The following HSPA14 variants were observed in gnomAD, a reference collection of about 807,000 sequenced individuals.
HSPA14 encodes heat shock protein family A (Hsp70) member 14.
HSPA14 carries 37 observed loss-of-function variants against 65.5 expected under a neutral mutation model. The ratio of observed to expected loss-of-function variants is 0.56; its 90% CI spans 0.43 to 0.74. HSPA14 has a LOEUF of 0.74. Among genes scored for constraint, HSPA14 ranks in the 30% least tolerant of loss-of-function variants. The pLI is 0.00. For synonymous variants in HSPA14, 203 were observed against 214.2 expected (o/e 0.95, Z 0.46); for missense variants, 564 against 607.6 (o/e 0.93, Z 0.75).
chr10:14,851,167 G>A (rs1272677177), intron 6 of HSPA14, 52 bp from the exon 7 acceptor site: 27 of 959,562 alleles, frequency 2.8e-5, no homozygotes, highest in Admixed American at 4.3e-5. Flanking sequence ...TTCTAAAAAT[G>A]TAGAATTGAA....
At chr10:14,862,438 G>T (rs188612491) in intron 10 of HSPA14, among the ~76,000 whole-genome samples, 255 of 142,802 alleles carry the variant, frequency 1.8e-3, no homozygotes, top group African/African-American at 6.4e-3. Flanking sequence ...GCAGTGACAC[G>T]ATCTCAGCTC....
chr10:14,867,787 A>G lies in HSPA14; in HGVS notation c.1258A>G (p.Thr420Ala). 1 of 1,613,964 alleles carries G rather than the reference A, an allele frequency of 6.2e-7. No individual in the cohort carries two copies. The highest frequency in any genetic ancestry group is 2.2e-5 in the East Asian group (1 of 44,872). ...SRFTVLFPSG[T>A]PLPARRQHTL... is the part of the protein sequence containing the mutation. ...ATTCACAGTGCTGTTTCCATCAGGG[A>G]CTCCTTTGCCAGCTCGAAGACAACA... is the stretch of plus-strand genomic sequence containing the variant. The change falls in exon 12 of 14, where the codon ACT (threonine) becomes GCT (alanine). Residue 420 changes from threonine to alanine, a missense_variant. Coordinates refer to ENST00000378372, the MANE Select transcript of HSPA14 (RefSeq NM_016299.4).
At chr10:14,840,874 A>T (rs1833963906) in intron 3 of HSPA14, among the ~76,000 whole-genome samples, 1 of 152,238 alleles carries the variant, frequency 6.6e-6, no homozygotes, top group African/African-American at 2.4e-5. Flanking sequence ...TTGGCAACGC[A>T]AATACTATCA....
chr10:14,859,349 G>GATT (rs1832733368), intron 10 of HSPA14, among the ~76,000 whole-genome samples: 1 of 152,136 alleles, frequency 6.6e-6, no homozygotes, highest in Admixed American at 6.5e-5. Context: ...TTGGTACCTG[G>GATT]AATCCTATGC....
intron 10 of HSPA14, among the ~76,000 whole-genome samples, chr10:14,861,300 T>G (rs953141420): frequency 1.3e-5 from 2 of 152,136 alleles, no homozygotes; most frequent in African/African-American, 4.8e-5. Context: ...TCCCTTTTGT[T>G]TGAGACTCTG....
rs762473100 is a variant in HSPA14, at chr10:14,852,528, A to G, written c.731A>G (p.Gln244Arg). 1 of 1,611,378 alleles carries G rather than the reference A, an allele frequency of 6.2e-7. No homozygotes were observed. Among genetic ancestry groups the G allele is most frequent in the South Asian group, 1.1e-5 (1 of 90,578 alleles). The change falls in exon 8 of 14, where the codon CAA (glutamine) becomes CGA (arginine). Residue 244 changes from glutamine to arginine, a missense_variant. Coordinates refer to ENST00000378372, the MANE Select transcript of HSPA14 (RefSeq NM_016299.4). ...TLAQYLASEF[Q>R]RSFKHDVRGN... is the part of the protein sequence containing the mutation. The stretch of plus-strand genomic sequence containing the variant: ...GCACAGTATCTAGCTTCTGAGTTCC[A>G]AAGGTGAGTGTTAATGGCCTGAATA...
intron 3 of HSPA14, among the ~76,000 whole-genome samples, chr10:14,841,465 C>A (rs1833969996): frequency 6.6e-6 from 1 of 152,148 alleles, no homozygotes; most frequent in Non-Finnish European, 1.5e-5. Flanking sequence ...ACATCAAACA[C>A]ATTGCTGGAT....
chr10:14,841,890 C>T (rs1056309513), intron 3 of HSPA14, among the ~76,000 whole-genome samples: 2 of 152,208 alleles, frequency 1.3e-5, no homozygotes, highest in African/African-American at 4.8e-5. Flanking sequence ...ACTCACCAGA[C>T]AAGGGTGATT....
At position 14,855,913 on chromosome 10, in the gene HSPA14, A is replaced by C; in HGVS notation, c.963A>C (p.Gln321His). Reference protein sequence around the residue: ...CIEAIRGLLDQNGFTADDINK... With the variant: ...CIEAIRGLLDHNGFTADDINK... Reference sequence around the variant, plus strand: ...AAGCAATCAGAGGACTCTTAGATCAAAATGGATTTACAGCAGATGATATCA... The same window carrying C: ...AAGCAATCAGAGGACTCTTAGATCACAATGGATTTACAGCAGATGATATCA... The change falls in exon 10 of 14, where the codon CAA (glutamine) becomes CAC (histidine). Residue 321 changes from glutamine (Q) to histidine (H), a missense_variant. Gln to His is a conservative substitution (Grantham distance 24). Coordinates refer to ENST00000378372, the MANE Select transcript of HSPA14 (RefSeq NM_016299.4). 1.2e-6 allele frequency: 2 copies of C among 1,600,026 alleles called. No homozygotes were observed. Among genetic ancestry groups the C allele is most frequent in the Non-Finnish European group, 1.7e-6 (2 of 1,167,632 alleles).
intron 3 of HSPA14, chr10:14,844,064 C>A: frequency 7.0e-7 from 1 of 1,432,508 alleles, no homozygotes; most frequent in South Asian, 1.5e-5. Context: ...AGATTCTCCA[C>A]CAAATGGAAG....
intron 3 of HSPA14, chr10:14,845,596 TTA>T: frequency 1.4e-5 from 13 of 929,442 alleles, no homozygotes; most frequent in African/African-American, 1.8e-5. Context: ...TCTATTATTA[TTA>T]TTTTTTTTTT....
intron 10 of HSPA14, 130 bp from the exon 11 acceptor site, chr10:14,866,951 CAT>C (rs1358150484): frequency 1.0e-5 from 6 of 589,066 alleles, no homozygotes; most frequent in Admixed American, 8.5e-5. Flanking sequence ...TATAACATAA[CAT>C]GTTAATATAT....
At position 14,840,325 on chromosome 10, in the gene HSPA14, T is replaced by C. The variant is rs142436206; in HGVS notation, c.221+168T>C. 4.7e-4 allele frequency among the ~76,000 whole-genome samples: 72 copies of C among 152,296 alleles called. No homozygotes were observed. The East Asian group carries it at 0.013, about 28-fold the overall frequency. On this transcript the variant is annotated intron_variant, in intron 3 of 13. Coordinates refer to ENST00000378372, the MANE Select transcript of HSPA14 (RefSeq NM_016299.4). Reference sequence around the variant, plus strand: ...GTAGGCAGTGTCTTTTGATTCTTAGTGTTGGATCTTCTCTGATATGGGATT... The same window carrying C: ...GTAGGCAGTGTCTTTTGATTCTTAGCGTTGGATCTTCTCTGATATGGGATT...
chr10:14,867,636 G>A (rs1317908016), intron 11 of HSPA14, 100 bp from the exon 12 acceptor site: 5 of 1,026,862 alleles, frequency 4.9e-6, no homozygotes, highest in Non-Finnish European at 7.2e-6. Context: ...CTAGTGTCCT[G>A]TTTATCAATA....
intron 8 of HSPA14, among the ~76,000 whole-genome samples, chr10:14,853,379 A>C (rs1434874990): frequency 1.3e-5 from 2 of 152,188 alleles, no homozygotes; most frequent in Admixed American, 6.5e-5. Context: ...TTGACAAATA[A>C]TTTTATGCCA....
intron 3 of HSPA14, chr10:14,843,952 G>A (rs1030541022): frequency 1.6e-5 from 24 of 1,520,466 alleles, no homozygotes; most frequent in East Asian, 1.2e-4. Flanking sequence ...TCCCAAACCT[G>A]CCTTCTGAAT....
intron 4 of HSPA14, 27 bp downstream of exon 4, chr10:14,848,684 C>G (rs577529675): frequency 2.5e-6 from 4 of 1,580,340 alleles, no homozygotes; most frequent in Non-Finnish European, 2.6e-6. Context: ...TATTGCTTCC[C>G]TGTTACATAG....
chr10:14,848,542 T>C, intron 3 of HSPA14, 67 bp from the exon 4 acceptor site: 1 of 1,189,464 alleles, frequency 8.4e-7, no homozygotes, highest in Non-Finnish European at 1.2e-6. Flanking sequence ...TACAGTCTTC[T>C]CTAAACTTTA....
chr10:14,867,282 A>G lies in HSPA14; in HGVS notation c.1193A>G (p.Asp398Gly). Residue 398 changes from aspartate (D) to glycine (G), a missense_variant, in exon 11 of 14, where the codon GAT (aspartate) becomes GGT (glycine). Physicochemically the swap from Asp to Gly is moderately conservative, Grantham distance 94. Transcript: ENST00000378372. ...CTTATGATAGAGTGTTCAGCCAGAG[A>G]TATTTTAGTTAAGGTATGTTTAGCT... ...DSLMIECSAR[D>G]ILVKGVDESG... is the part of the protein sequence containing the mutation. The G allele has an allele frequency of 6.2e-7, 1 of 1,612,274 alleles. No homozygotes were observed. The highest frequency in any genetic ancestry group is 8.5e-7 in the Non-Finnish European group (1 of 1,178,464).
Sources: gnomAD v4.1 joint callset for allele counts (sites outside exome capture counted in the v4.1 genomes callset) on GRCh38, gnomAD v4.1.1 for gene constraint, MANE v1.5 for transcripts, NCBI Gene and HGNC (gene_info 2026-07-23, HGNC 2026-07-21) for gene names.